The following CEP63 variants were observed in gnomAD, a reference collection of about 807,000 sequenced individuals.
CEP63 encodes the protein centrosomal protein 63.
A neutral mutation model predicts 89.1 loss-of-function variants in CEP63; 84 were observed. The observed-to-expected ratio is 0.94, with a 90% CI of 0.79 to 1.13. CEP63 has a LOEUF of 1.13. Among genes scored for constraint, CEP63 ranks in the 50% most tolerant of loss-of-function variants. CEP63 has a pLI of 0.00. For synonymous variants in CEP63, 267 were observed against 272.5 expected, an observed-to-expected ratio of 0.98 and a Z score of 0.20; for missense variants, 838 against 813.3, an observed-to-expected ratio of 1.03 and a Z score of -0.37.
chr3:134,608,101 T>C, the CEP63 span: 2 of 1,126,960 alleles, frequency 1.8e-6, no homozygotes, highest in Non-Finnish European at 2.2e-6. Context: ...GGGAGACCCA[T>C]GTTGCTCCCC....
the CEP63 span, among the ~76,000 whole-genome samples, chr3:134,691,239 T>C: frequency 6.6e-6 from 1 of 151,724 alleles, no homozygotes; most frequent in African/African-American, 2.4e-5. Flanking sequence ...ATGCCTGTAG[T>C]CCCAGCTACT....
At chr3:134,578,269 C>G (rs553063872), downstream of CEP63, among the ~76,000 whole-genome samples, 1 of 151,756 alleles carries the variant, frequency 6.6e-6, no homozygotes, top group Admixed American at 6.5e-5. Context: ...TCTCCACAGC[C>G]TCGCTAGCAT....
the CEP63 span, among the ~76,000 whole-genome samples, chr3:134,739,457 T>G: frequency 6.6e-6 from 1 of 152,168 alleles, no homozygotes; most frequent in African/African-American, 2.4e-5. Flanking sequence ...ACCGGGAGAT[T>G]AGAAATGTTC....
Position 134,563,340 on chromosome 3 carries a change from A to G in CEP63, c.*1805A>G, listed in dbSNP as rs999395783. On this transcript the variant is annotated 3_prime_UTR_variant, in exon 15 of 15. Coordinates refer to ENST00000675561, the MANE Select transcript of CEP63 (RefSeq NM_001353108.3). ...CTAACTGATAGTACTCACACCAGTA[A>G]TTCAGGGAGCTTCTGGAGTTATCCT... 1 of 152,186 alleles carries G rather than the reference A, an allele frequency of 6.6e-6. No homozygotes were observed. The highest frequency in any genetic ancestry group is 2.4e-5 in the African/African-American group (1 of 41,436). 9.4% of individuals were successfully genotyped at this position (152,186 alleles called of 1,614,324 possible).
At chr3:134,650,993 G>A in the CEP63 span, 1 of 1,612,232 alleles carries the variant, frequency 6.2e-7, no homozygotes, top group Non-Finnish European at 8.5e-7. Flanking sequence ...GGGCGCCGCG[G>A]CCGCACGCTA....
the CEP63 span, among the ~76,000 whole-genome samples, chr3:134,683,003 C>A: frequency 6.6e-6 from 1 of 152,132 alleles, no homozygotes; most frequent in Admixed American, 6.5e-5. Flanking sequence ...TAAACTTTTT[C>A]TGAAGATTAT....
chr3:134,723,729 T>C, the CEP63 span, among the ~76,000 whole-genome samples: 4 of 152,236 alleles, frequency 2.6e-5, no homozygotes, highest in African/African-American at 9.6e-5. Context: ...GGCCCAGCAA[T>C]CTTGGAGCAG....
At chr3:134,531,176 G>A (rs1257266518) in intron 3 of CEP63, among the ~76,000 whole-genome samples, 2 of 152,088 alleles carry the variant, frequency 1.3e-5, no homozygotes, top group Non-Finnish European at 2.9e-5. Flanking sequence ...TTATTCCTAA[G>A]GTCTTCTAGA....
the CEP63 span, among the ~76,000 whole-genome samples, chr3:134,663,818 C>A: frequency 6.6e-6 from 1 of 152,232 alleles, no homozygotes; most frequent in Non-Finnish European, 1.5e-5. Context: ...GGGCTGCCCA[C>A]TGGCCAGCTC....
chr3:134,735,455 C>T, the CEP63 span, among the ~76,000 whole-genome samples: 3 of 152,050 alleles, frequency 2.0e-5, no homozygotes, highest in African/African-American at 4.8e-5. Flanking sequence ...TGCTTAGTGG[C>T]CATTTTAAAC....
At chr3:134,616,929 C>T in the CEP63 span, among the ~76,000 whole-genome samples, 2 of 152,196 alleles carry the variant, frequency 1.3e-5, no homozygotes, top group African/African-American at 4.8e-5. Context: ...GCAATCTAGT[C>T]TCCAATATAT....
chr3:134,532,996 A>G (rs1950143642), intron 5 of CEP63, 96 bp downstream of exon 5: 1 of 1,330,296 alleles, frequency 7.5e-7, no homozygotes, highest in Non-Finnish European at 1.1e-6. Flanking sequence ...CCAATTTTCT[A>G]CTATCTTAAG....
Position 134,562,249 on chromosome 3 carries a change from G to T in CEP63, c.*714G>T. 1 of 980,248 alleles carries T rather than the reference G, an allele frequency of 1.0e-6. No individual in the cohort carries two copies. Among genetic ancestry groups the T allele is most frequent in the Non-Finnish European group, 1.2e-6 (1 of 824,888 alleles). The allele number at this position is 980,248 out of a possible 1,614,324, so 60.7% of individuals were successfully genotyped here. A position where few individuals can be genotyped will look rare whatever the true frequency, so the allele number is the denominator to read the frequency against. On this transcript the variant is annotated 3_prime_UTR_variant, in exon 15 of 15. Coordinates refer to ENST00000675561, the MANE Select transcript of CEP63 (RefSeq NM_001353108.3). ...TTAGATGGGAGACAAAGATCTGGAT[G>T]TTGATGTGCCGCAGGCATTTGAAAC... is the stretch of plus-strand genomic sequence containing the variant.
chr3:134,573,049 G>A (rs1409969786), intron 11 of CEP63, among the ~76,000 whole-genome samples: 2 of 152,106 alleles, frequency 1.3e-5, no homozygotes, highest in African/African-American at 4.8e-5. Context: ...TTGACTGCTT[G>A]TATGTCTTCT....
the CEP63 span, among the ~76,000 whole-genome samples, chr3:134,726,071 A>G: frequency 6.6e-6 from 1 of 152,250 alleles, no homozygotes; most frequent in Non-Finnish European, 1.5e-5. Context: ...TTCAAAGGGT[A>G]AGTGTATTGA....
intron 9 of CEP63, 95 bp from the exon 10 acceptor site, chr3:134,548,967 A>G (rs1577305171): frequency 1.6e-5 from 12 of 752,822 alleles, no homozygotes; most frequent in African/African-American, 1.7e-5. Context: ...TATTGGCTGG[A>G]TATTTTTTGG....
chr3:134,644,771 G>T, the CEP63 span, among the ~76,000 whole-genome samples: 1 of 152,214 alleles, frequency 6.6e-6, no homozygotes, highest in South Asian at 2.1e-4. Context: ...TACTGAGCCA[G>T]GCTGGATTTG....
At chr3:134,571,804 C>T (rs1310113198) in intron 11 of CEP63, among the ~76,000 whole-genome samples, 3 of 152,182 alleles carry the variant, frequency 2.0e-5, no homozygotes, top group Non-Finnish European at 2.9e-5. Context: ...ATTATATGCA[C>T]TTCTTTGTTA....
the CEP63 span, among the ~76,000 whole-genome samples, chr3:134,622,898 C>G: frequency 6.6e-6 from 1 of 152,192 alleles, no homozygotes; most frequent in Non-Finnish European, 1.5e-5. Flanking sequence ...TCACTGCTCA[C>G]AAGAGATTCC....
Sources: allele counts gnomAD v4.1 joint callset (sites outside exome capture counted in the v4.1 genomes callset), GRCh38; gene constraint gnomAD v4.1.1; transcripts MANE v1.5; gene names NCBI Gene and HGNC (gene_info 2026-07-23, HGNC 2026-07-21).